AMPH: variants seen among roughly 807,000 people sequenced by gnomAD.
AMPH encodes the protein amphiphysin, also known as amphiphysin (Stiff-Mann syndrome with breast cancer 128kD autoantigen).
Under a neutral mutation model 99.1 loss-of-function variants are expected in AMPH, and 49 were observed. That is an observed-to-expected ratio of 0.49 (90% CI 0.39 to 0.63). The LOEUF is 0.63. Among genes scored for constraint, AMPH ranks in the 20% least tolerant of loss-of-function variants. AMPH has a pLI of 0.00. For missense variants in AMPH, 759 were observed against 863.4 expected (o/e 0.88, Z 1.52); for synonymous variants, 314 against 317.3 (o/e 0.99, Z 0.11).
intron 15 of AMPH, among the ~76,000 whole-genome samples, chr7:38,425,743 G>A (rs1284744924): frequency 6.6e-6 from 1 of 152,162 alleles, no homozygotes; most frequent in African/African-American, 2.4e-5. Context: ...AGCATTATAA[G>A]AAACCCATGC....
chr7:38,605,790 C>T (rs1425819268), intron 1 of AMPH, among the ~76,000 whole-genome samples: 1 of 152,060 alleles, frequency 6.6e-6, no homozygotes. Flanking sequence ...CTATGTTGGC[C>T]AGGCTAGTCT....
At chr7:38,434,763 A>T (rs902104453) in intron 12 of AMPH, among the ~76,000 whole-genome samples, 6 of 151,222 alleles carry the variant, frequency 4.0e-5, no homozygotes, top group African/African-American at 1.5e-4. Flanking sequence ...AAAAAGAAGC[A>T]TGGAGAGTAA....
intron 1 of AMPH, among the ~76,000 whole-genome samples, chr7:38,625,821 C>T (rs1337629003): frequency 1.3e-5 from 2 of 152,136 alleles, no homozygotes; most frequent in Non-Finnish European, 2.9e-5. Context: ...AAGAAACATT[C>T]TGTTACTTAT....
intron 11 of AMPH, among the ~76,000 whole-genome samples, chr7:38,444,717 G>A (rs1786690190): frequency 6.6e-6 from 1 of 151,780 alleles, no homozygotes; most frequent in African/African-American, 2.4e-5. Flanking sequence ...TTTGTGGGGG[G>A]TTTTGTATTT....
intron 20 of AMPH, among the ~76,000 whole-genome samples, chr7:38,388,275 T>C (rs1784398699): frequency 6.6e-6 from 1 of 152,094 alleles, no homozygotes; most frequent in South Asian, 2.1e-4. Context: ...AAAATCCCAT[T>C]ATAAATGGGA....
chr7:38,461,103 A>T (rs959928154), intron 11 of AMPH, among the ~76,000 whole-genome samples, 180 bp downstream of exon 11: 2 of 152,252 alleles, frequency 1.3e-5, no homozygotes, highest in African/African-American at 4.8e-5. Context: ...ATAATTTTCA[A>T]ATACCGTACA....
At position 38,535,245 on chromosome 7, in the gene AMPH, T is replaced by C. The variant is rs1338449766; in HGVS notation, c.70-234A>G. The stretch of plus-strand genomic sequence containing the variant: ...CACAGGCTGTGTGGCTTTGAGCAAG[T>C]GTTGTGCTACACTGCACTTATTTCT... On this transcript the variant is annotated intron_variant, in intron 1 of 20. Transcript: ENST00000356264. Among the ~76,000 whole-genome samples, 3 of 151,836 alleles carry C rather than the reference T, an allele frequency of 2.0e-5. No individual in the cohort carries two copies. In the East Asian group the frequency reaches 5.8e-4, roughly 29 times the overall value.
At chr7:38,467,466 G>T (rs1356657496) in intron 7 of AMPH, among the ~76,000 whole-genome samples, 1 of 152,012 alleles carries the variant, frequency 6.6e-6, no homozygotes, top group Non-Finnish European at 1.5e-5. Flanking sequence ...CAATCAACTG[G>T]GACAGTAATT....
intron 2 of AMPH, among the ~76,000 whole-genome samples, chr7:38,524,184 G>A (rs952714731): frequency 3.3e-5 from 5 of 151,976 alleles, no homozygotes; most frequent in African/African-American, 4.8e-5. Flanking sequence ...GAAAAGTATC[G>A]GGCAAATCCA....
At chr7:38,536,470 C>T (rs187172680) in intron 1 of AMPH, among the ~76,000 whole-genome samples, 25 of 152,182 alleles carry the variant, frequency 1.6e-4, no homozygotes, top group African/African-American at 4.1e-4. Flanking sequence ...CAATTTTCTT[C>T]GGAGCAAAAG....
rs115626882 is a variant in AMPH, at chr7:38,500,059, G to A, written c.205+3591C>T. Among the ~76,000 whole-genome samples, 156 of 152,254 alleles carry A rather than the reference G, an allele frequency of 1.0e-3. 1 individual carries two copies. Among genetic ancestry groups the A allele is most frequent in the African/African-American group, 3.5e-3 (144 of 41,552 alleles). On this transcript the variant is annotated intron_variant, in intron 3 of 20. Coordinates refer to ENST00000356264, the MANE Select transcript of AMPH (RefSeq NM_001635.4). ...CTGGGGGCATGACTTTATTAGCAGC[G>A]TGAGAACGGACTAACACAGGCATAT... is the stretch of plus-strand genomic sequence containing the variant.
chr7:38,486,178 A>G (rs947885063), intron 5 of AMPH, among the ~76,000 whole-genome samples: 1 of 150,606 alleles, frequency 6.6e-6, no homozygotes, highest in African/African-American at 2.4e-5. Flanking sequence ...TTTTTTGAGC[A>G]GATAAAATTA....
At chr7:38,413,562 T>G (rs1785274507) in intron 17 of AMPH, among the ~76,000 whole-genome samples, 1 of 152,202 alleles carries the variant, frequency 6.6e-6, no homozygotes, top group East Asian at 1.9e-4. Context: ...AGACACTTAT[T>G]TAGTTTGAGG....
At chr7:38,509,861 C>A (rs1397364730) in intron 2 of AMPH, among the ~76,000 whole-genome samples, 1 of 152,172 alleles carries the variant, frequency 6.6e-6, no homozygotes, top group South Asian at 2.1e-4. Flanking sequence ...TGTTCGGTGT[C>A]TCCTGCTGTG....
At chr7:38,519,919 T>C (rs1287706590) in intron 2 of AMPH, among the ~76,000 whole-genome samples, 1 of 152,132 alleles carries the variant, frequency 6.6e-6, no homozygotes. Context: ...ATGTGGTACA[T>C]ATACACCACA....
At chr7:38,505,423 G>A (rs566989502) in intron 2 of AMPH, among the ~76,000 whole-genome samples, 100 of 152,276 alleles carry the variant, frequency 6.6e-4, no homozygotes, top group African/African-American at 1.9e-3. Context: ...TTGCTGGCAC[G>A]TATGAACTTC....
At chr7:38,412,469 C>T (rs373975197) in intron 17 of AMPH, among the ~76,000 whole-genome samples, 11 of 152,230 alleles carry the variant, frequency 7.2e-5, no homozygotes, top group Admixed American at 2.6e-4. Flanking sequence ...GGGAAGATGC[C>T]GCTACTAGCA....
At chr7:38,535,186 CA>C (rs892143791) in intron 1 of AMPH, among the ~76,000 whole-genome samples, 175 bp from the exon 2 acceptor site, 33 of 139,256 alleles carry the variant, frequency 2.4e-4, no homozygotes, top group East Asian at 4.2e-4. Context: ...TGGAGTTGAA[CA>C]AAAAAAAAAA....
At chr7:38,579,058 C>T (rs552518045) in intron 1 of AMPH, among the ~76,000 whole-genome samples, 15 of 152,290 alleles carry the variant, frequency 9.8e-5, no homozygotes, top group Middle Eastern at 3.4e-3. Flanking sequence ...TAATGCTGGC[C>T]TCACAAAGCC....
Sources: allele counts gnomAD v4.1 joint callset (sites outside exome capture counted in the v4.1 genomes callset), GRCh38; gene constraint gnomAD v4.1.1; transcripts MANE v1.5; gene names NCBI Gene and HGNC (gene_info 2026-07-23, HGNC 2026-07-21).